RHBDD1: variants seen among roughly 807,000 people sequenced by gnomAD.
The protein encoded by RHBDD1 is rhomboid-related protein 4.
A neutral mutation model predicts 36.3 loss-of-function variants in RHBDD1; 38 were observed. That is an observed-to-expected ratio of 1.05 (90% CI 0.81 to 1.37). The LOEUF is 1.37. Ranked by LOEUF, RHBDD1 falls within the 40% of genes most tolerant of loss-of-function variation. The pLI is 0.00. For missense variants in RHBDD1, 393 were observed against 377.6 expected (o/e 1.04, Z -0.34); for synonymous variants, 151 against 136.5 (o/e 1.11, Z -0.74).
intron 3 of RHBDD1, among the ~76,000 whole-genome samples, chr2:226,858,326 CA>C (rs1943526768): frequency 6.6e-6 from 1 of 152,162 alleles, no homozygotes; most frequent in African/African-American, 2.4e-5. Flanking sequence ...GAGGAAAAAA[CA>C]TACAATTTAA....
intron 8 of RHBDD1, among the ~76,000 whole-genome samples, chr2:226,940,618 T>C (rs1950606259): frequency 6.6e-6 from 1 of 152,184 alleles, no homozygotes; most frequent in African/African-American, 2.4e-5. Flanking sequence ...AATTAAAAAG[T>C]AATTCAAATT....
the RHBDD1 span, among the ~76,000 whole-genome samples, chr2:226,816,393 A>AG: frequency 3.3e-5 from 5 of 150,028 alleles, no homozygotes; most frequent in African/African-American, 2.5e-5. Flanking sequence ...AAAAAAAAAA[A>AG]AAAGAAAAAA....
chr2:226,951,432 A>G (rs1951420893), intron 8 of RHBDD1, among the ~76,000 whole-genome samples: 1 of 152,210 alleles, frequency 6.6e-6, no homozygotes, highest in Non-Finnish European at 1.5e-5. Context: ...GTTGAAGTGA[A>G]ATTAGAAAAT....
intron 8 of RHBDD1, chr2:226,942,639 G>T: frequency 4.9e-6 from 1 of 203,796 alleles, no homozygotes; most frequent in Non-Finnish European, 1.0e-5. Flanking sequence ...TATTTACAGA[G>T]ATAGCAATGA....
intron 8 of RHBDD1, among the ~76,000 whole-genome samples, chr2:226,949,183 G>T (rs13397509): frequency 2.0e-5 from 3 of 152,192 alleles, no homozygotes; most frequent in Non-Finnish European, 2.9e-5. Context: ...TCAATATCGT[G>T]AAAATGGCCA....
At chr2:226,824,589 C>T in the RHBDD1 span, among the ~76,000 whole-genome samples, 1 of 152,074 alleles carries the variant, frequency 6.6e-6, no homozygotes, top group Non-Finnish European at 1.5e-5. Flanking sequence ...AAAAATTGCC[C>T]CCACTCCTTG....
At chr2:226,851,525 C>T (rs1378735977) in intron 3 of RHBDD1, among the ~76,000 whole-genome samples, 1 of 152,004 alleles carries the variant, frequency 6.6e-6, no homozygotes, top group Non-Finnish European at 1.5e-5. Context: ...GAAGCGTCAC[C>T]TCTCTGGGAA....
the RHBDD1 span, among the ~76,000 whole-genome samples, chr2:226,828,899 G>GAGA: frequency 5.9e-5 from 9 of 151,992 alleles, no homozygotes; most frequent in African/African-American, 2.2e-4. Context: ...TTTAAATTTT[G>GAGA]AGGTCCAATT....
chr2:226,823,645 TA>T, the RHBDD1 span, among the ~76,000 whole-genome samples: 5 of 152,236 alleles, frequency 3.3e-5, no homozygotes, highest in Admixed American at 1.3e-4. Flanking sequence ...TGTGGATAGA[TA>T]GATACACCTA....
At chr2:226,904,377 A>G (rs948939862) in intron 5 of RHBDD1, among the ~76,000 whole-genome samples, 2 of 144,106 alleles carry the variant, frequency 1.4e-5, no homozygotes, top group African/African-American at 5.1e-5. Flanking sequence ...ACGGTCACCA[A>G]ACAGACAAGT....
At chr2:226,912,750 T>C (rs978973193) in intron 7 of RHBDD1, among the ~76,000 whole-genome samples, 2 of 152,118 alleles carry the variant, frequency 1.3e-5, no homozygotes, top group Non-Finnish European at 2.9e-5. Flanking sequence ...GATTTCTTTT[T>C]GGGGATGATG....
intron 8 of RHBDD1, among the ~76,000 whole-genome samples, chr2:226,948,347 C>T (rs973430827): frequency 2.1e-5 from 3 of 142,438 alleles, no homozygotes; most frequent in African/African-American, 7.9e-5. Flanking sequence ...TATTCTCACT[C>T]ATAGGTGGGA....
intron 8 of RHBDD1, among the ~76,000 whole-genome samples, chr2:226,946,751 A>C (rs565938014): frequency 2.6e-5 from 4 of 152,320 alleles, no homozygotes; most frequent in African/African-American, 9.6e-5. Context: ...GAAATGGATA[A>C]ATTCCTGGAC....
chr2:226,880,933 C>T (rs1446096246), intron 5 of RHBDD1, among the ~76,000 whole-genome samples: 1 of 152,124 alleles, frequency 6.6e-6, no homozygotes, highest in Non-Finnish European at 1.5e-5. Flanking sequence ...ATGAAGAACC[C>T]AAACTGCCTG....
chr2:226,803,272 TAA>T, the RHBDD1 span, among the ~76,000 whole-genome samples: 12 of 151,776 alleles, frequency 7.9e-5, no homozygotes, highest in African/African-American at 2.9e-4. Flanking sequence ...GATGGGGTAA[TAA>T]GAGAGTACAA....
intron 5 of RHBDD1, among the ~76,000 whole-genome samples, chr2:226,884,544 G>A (rs1347374826): frequency 6.6e-6 from 1 of 152,010 alleles, no homozygotes; most frequent in Non-Finnish European, 1.5e-5. Flanking sequence ...TAACACATGG[G>A]TCAAATAAAT....
the RHBDD1 span, among the ~76,000 whole-genome samples, chr2:226,813,241 C>T: frequency 9.9e-5 from 15 of 152,274 alleles, no homozygotes; most frequent in African/African-American, 3.1e-4. Flanking sequence ...TCCTTTTGTG[C>T]CAGGTACTTA....
chr2:226,955,796 T>C (rs1454678092), intron 8 of RHBDD1, among the ~76,000 whole-genome samples: 4 of 152,182 alleles, frequency 2.6e-5, no homozygotes, highest in Non-Finnish European at 4.4e-5. Flanking sequence ...AGGACATCAG[T>C]CCTGTTGGAT....
At chr2:226,875,760 T>G (rs1945181806) in intron 5 of RHBDD1, among the ~76,000 whole-genome samples, 1 of 152,152 alleles carries the variant, frequency 6.6e-6, no homozygotes, top group South Asian at 2.1e-4. Flanking sequence ...GAAATCACAA[T>G]CTATCCATAA....
Sources: allele counts gnomAD v4.1 joint callset (sites outside exome capture counted in the v4.1 genomes callset), GRCh38; gene constraint gnomAD v4.1.1; transcripts MANE v1.5; gene names NCBI Gene and HGNC (gene_info 2026-07-23, HGNC 2026-07-21).